Variants in LONP2 observed in about 807,000 individuals in gnomAD.
LONP2 encodes the protein lon peptidase 2, peroxisomal.
Under a neutral mutation model 85.6 loss-of-function variants are expected in LONP2, and 60 were observed. The ratio of observed to expected loss-of-function variants is 0.70; its 90% confidence interval spans 0.57 to 0.87. The LOEUF (loss-of-function observed/expected upper bound fraction) is 0.87. Ranked by LOEUF, LONP2 falls within the 40% of genes least tolerant of loss-of-function variation. LONP2 has a pLI of 0.00. For synonymous variants in LONP2, 395 were observed against 389.7 expected, an observed-to-expected ratio of 1.01 and a Z score of -0.16; for missense variants, 860 against 1,063.5, an observed-to-expected ratio of 0.81 and a Z score of 2.66.
At chr16:48,348,031 T>C in intron 13 of LONP2, 69 bp from the exon 14 acceptor site, 10 of 1,151,460 alleles carry the variant, frequency 8.7e-6, no homozygotes, top group Middle Eastern at 2.9e-4. Flanking sequence ...TGTTTGTGAC[T>C]TTTTTTTTAG....
At chr16:48,274,172 A>G (rs1362033274) in intron 7 of LONP2, among the ~76,000 whole-genome samples, 2 of 152,162 alleles carry the variant, frequency 1.3e-5, no homozygotes, top group African/African-American at 2.4e-5. Context: ...GGCTTCCTCC[A>G]TTAATGTAAG....
chr16:48,350,191 G>T (rs1029029915), intron 14 of LONP2, among the ~76,000 whole-genome samples: 6 of 152,172 alleles, frequency 3.9e-5, no homozygotes, highest in Non-Finnish European at 8.8e-5. Context: ...TTTGAGACCA[G>T]CCTGGCCAAC....
intron 12 of LONP2, among the ~76,000 whole-genome samples, chr16:48,340,591 T>A (rs547350174): frequency 3.9e-4 from 59 of 152,348 alleles, no homozygotes; most frequent in Middle Eastern, 6.8e-3. Flanking sequence ...CACACTTTTA[T>A]TAATTAATAA....
At chr16:48,309,036 G>T (rs1972974070) in intron 11 of LONP2, among the ~76,000 whole-genome samples, 1 of 152,022 alleles carries the variant, frequency 6.6e-6, no homozygotes, top group African/African-American at 2.4e-5. Flanking sequence ...CAAGTGGCCA[G>T]GAAGCATTTG....
intron 11 of LONP2, among the ~76,000 whole-genome samples, chr16:48,327,186 T>A (rs1308788366): frequency 1.3e-5 from 2 of 152,218 alleles, no homozygotes; most frequent in African/African-American, 4.8e-5. Context: ...GCCCCAACTA[T>A]CTTGGCAATG....
At chr16:48,244,734 G>T in intron 1 of LONP2, 113 bp downstream of exon 1, 1 of 683,972 alleles carries the variant, frequency 1.5e-6, no homozygotes, top group South Asian at 3.5e-5. Flanking sequence ...GGCCTTCGCG[G>T]CTCGGTTCCG....
At chr16:48,327,695 T>G (rs1428679857) in intron 11 of LONP2, among the ~76,000 whole-genome samples, 4 of 152,186 alleles carry the variant, frequency 2.6e-5, no homozygotes. Flanking sequence ...TCACCTCAGG[T>G]GATCTGCCCG....
intron 7 of LONP2, among the ~76,000 whole-genome samples, chr16:48,271,145 C>T (rs1330129259): frequency 6.6e-6 from 1 of 152,098 alleles, no homozygotes; most frequent in Non-Finnish European, 1.5e-5. Flanking sequence ...TGTCCCACTG[C>T]ACGCCAGCCT....
chr16:48,294,862 A>T (rs796252133), intron 8 of LONP2, among the ~76,000 whole-genome samples: 36 of 152,342 alleles, frequency 2.4e-4, no homozygotes, highest in African/African-American at 8.4e-4. Flanking sequence ...TGAGTATATT[A>T]GTCATTTTAT....
In LONP2 at chr16:48,244,388, C is replaced by G; in HGVS notation, c.-1C>G. On this transcript the variant is annotated 5_prime_UTR_variant, in exon 1 of 15. Coordinates refer to ENST00000285737, the MANE Select transcript of LONP2 (RefSeq NM_031490.5). ...AGCCCCCAGTGCGAAAGGCTGCCAG[C>G]ATGTCATCAGTGAGCCCCATCCAGA... 1 of 1,540,868 alleles carries G rather than the reference C, an allele frequency of 6.5e-7. No homozygotes were observed. Among genetic ancestry groups the G allele is most frequent in the African/African-American group, 1.4e-5 (1 of 70,818 alleles).
intron 11 of LONP2, among the ~76,000 whole-genome samples, chr16:48,329,851 T>C (rs921713476): frequency 9.2e-5 from 14 of 152,254 alleles, no homozygotes; most frequent in Admixed American, 5.2e-4. Context: ...CTTAACCATG[T>C]TCCTAATGTT....
intron 9 of LONP2, among the ~76,000 whole-genome samples, chr16:48,298,671 T>TGTGTGTGTGTG (rs1972731709): frequency 1.5e-5 from 1 of 65,524 alleles, no homozygotes; most frequent in Admixed American, 1.6e-4. Flanking sequence ...GTGTGTGTGT[T>TGTGTGTGTGTG]TCAAGTATAG....
intron 11 of LONP2, among the ~76,000 whole-genome samples, chr16:48,322,693 A>G (rs1973291750): frequency 6.6e-6 from 1 of 152,204 alleles, no homozygotes; most frequent in Non-Finnish European, 1.5e-5. Context: ...TGGGCAACAT[A>G]GCGAGACTCC....
chr16:48,281,263 C>G (rs1191102890), intron 8 of LONP2, among the ~76,000 whole-genome samples: 1 of 152,042 alleles, frequency 6.6e-6, no homozygotes, highest in African/African-American at 2.4e-5. Context: ...GTAGGATATG[C>G]CCGTTTCCTT....
intron 12 of LONP2, among the ~76,000 whole-genome samples, chr16:48,339,910 T>C (rs1171363730): frequency 1.3e-5 from 2 of 152,038 alleles, no homozygotes; most frequent in Non-Finnish European, 2.9e-5. Flanking sequence ...TAAGAAATGA[T>C]GGTCAGGGGT....
chr16:48,360,669 A>G (rs1328830938), downstream of LONP2: 3 of 152,652 alleles, frequency 2.0e-5, no homozygotes, highest in South Asian at 4.1e-4. Flanking sequence ...TGCAAAACCA[A>G]TAAATACAAG....
chr16:48,357,021 ATTTC>A lies in LONP2; in HGVS notation c.*5223_*5226del, dbSNP rs1188951581. 1.3e-5 allele frequency: 2 copies of A among 153,296 alleles called. No individual in the cohort carries two copies. Among genetic ancestry groups the A allele is most frequent in the Admixed American group, 6.5e-5 (1 of 15,390 alleles). 9.5% of individuals were successfully genotyped at this position (153,296 alleles called of 1,614,324 possible). ...AATTACATCTATGATAATAAAGTGT[ATTTC>A]TTTGTCAAGTTTCTAGAGCTATATA... On this transcript the variant is annotated 3_prime_UTR_variant, in exon 15 of 15. Coordinates refer to ENST00000285737, the MANE Select transcript of LONP2 (RefSeq NM_031490.5).
chr16:48,285,459 G>A (rs1166806211), intron 8 of LONP2, among the ~76,000 whole-genome samples: 3 of 151,804 alleles, frequency 2.0e-5, no homozygotes, highest in East Asian at 1.9e-4. Context: ...TCTGAAACTC[G>A]TATTATGGTG....
At chr16:48,321,959 CTTCTTT>C (rs954575656) in intron 11 of LONP2, among the ~76,000 whole-genome samples, 29 of 144,430 alleles carry the variant, frequency 2.0e-4, no homozygotes, top group African/African-American at 5.9e-4. Flanking sequence ...TTTTTTTTTA[CTTCTTT>C]TTCTTTTTTT....
Sources: allele counts gnomAD v4.1 joint callset (sites outside exome capture counted in the v4.1 genomes callset), GRCh38; gene constraint gnomAD v4.1.1; transcripts MANE v1.5; gene names NCBI Gene and HGNC (gene_info 2026-07-23, HGNC 2026-07-21).